GFRA2: variants seen among roughly 807,000 people sequenced by gnomAD.
The protein encoded by GFRA2 is GDNF family receptor alpha 2.
A neutral mutation model predicts 48.3 loss-of-function variants in GFRA2; 17 were observed. The ratio of observed to expected loss-of-function variants is 0.35; its 90% CI spans 0.24 to 0.53. GFRA2 has a LOEUF of 0.53. Ranked by LOEUF, GFRA2 falls within the 20% of genes least tolerant of loss-of-function variation. The pLI, the probability that GFRA2 is intolerant of heterozygous loss-of-function variation, is 0.93. For missense variants in GFRA2, 660 were observed against 637.3 expected, an observed-to-expected ratio of 1.04 and a Z score of -0.38; for synonymous variants, 305 against 257.2, an observed-to-expected ratio of 1.19 and a Z score of -1.78.
intron 4 of GFRA2, among the ~76,000 whole-genome samples, chr8:21,736,292 G>C (rs1411730768): frequency 6.6e-6 from 1 of 151,998 alleles, no homozygotes; most frequent in Middle Eastern, 3.2e-3. Context: ...GTGGGAAAAT[G>C]TTAACAATGT....
At chr8:21,753,191 G>A (rs1248908755) in intron 3 of GFRA2, among the ~76,000 whole-genome samples, 1 of 152,204 alleles carries the variant, frequency 6.6e-6, no homozygotes, top group Non-Finnish European at 1.5e-5. Flanking sequence ...AGAACAATTT[G>A]TGCTTTCTGA....
intron 4 of GFRA2, among the ~76,000 whole-genome samples, chr8:21,714,665 A>C (rs1312114760): frequency 6.6e-6 from 1 of 152,184 alleles, no homozygotes; most frequent in Non-Finnish European, 1.5e-5. Flanking sequence ...ACTATGTGTC[A>C]GGCGCTATTA....
intron 4 of GFRA2, among the ~76,000 whole-genome samples, chr8:21,728,760 G>A (rs1400080467): frequency 3.3e-5 from 5 of 152,154 alleles, no homozygotes; most frequent in Admixed American, 6.5e-5. Context: ...CTAATCCTGC[G>A]TCCTTATCTG....
intron 3 of GFRA2, among the ~76,000 whole-genome samples, chr8:21,759,587 G>C (rs1417578906): frequency 6.7e-6 from 1 of 150,154 alleles, no homozygotes; most frequent in East Asian, 2.0e-4. Context: ...GAAAATAAGG[G>C]AATTTAAAAA....
upstream of GFRA2, among the ~76,000 whole-genome samples, chr8:21,789,029 CGGCGCGG>C (rs878875679): frequency 0.57 from 86,360 of 150,326 alleles, 27,867 homozygotes; most frequent in African/African-American, 0.88. Flanking sequence ...AGGCGGCTGG[CGGCGCGG>C]GGCGCGGGGC....
At chr8:21,723,051 T>C (rs565175069) in intron 4 of GFRA2, among the ~76,000 whole-genome samples, 4 of 152,298 alleles carry the variant, frequency 2.6e-5, no homozygotes, top group Non-Finnish European at 5.9e-5. Flanking sequence ...AAACCTCTGC[T>C]GTAAAGAAAT....
intron 3 of GFRA2, chr8:21,769,056 A>T: frequency 2.9e-6 from 1 of 341,898 alleles, no homozygotes; most frequent in South Asian, 1.2e-4. Flanking sequence ...CTCTTGGGGC[A>T]GCACTTGGTC....
intron 1 of GFRA2, among the ~76,000 whole-genome samples, chr8:21,787,151 T>C (rs1807313454): frequency 6.6e-6 from 1 of 151,832 alleles, no homozygotes; most frequent in Admixed American, 6.6e-5. Context: ...CCCAAGCAGC[T>C]GCGATTTCAC....
chr8:21,749,683 A>G (rs1805182050), intron 4 of GFRA2, among the ~76,000 whole-genome samples: 1 of 151,680 alleles, frequency 6.6e-6, no homozygotes, highest in Admixed American at 6.6e-5. Context: ...TCCCTTTTAT[A>G]TATATATAAA....
At chr8:21,768,442 C>T (rs1226276372) in intron 3 of GFRA2, among the ~76,000 whole-genome samples, 5 of 152,162 alleles carry the variant, frequency 3.3e-5, no homozygotes, top group Non-Finnish European at 1.5e-5. Context: ...CATCACAGGG[C>T]GGCCTCGGAA....
intron 4 of GFRA2, among the ~76,000 whole-genome samples, chr8:21,727,011 A>G (rs1233342748): frequency 3.9e-5 from 6 of 152,050 alleles, no homozygotes; most frequent in Non-Finnish European, 5.9e-5. Flanking sequence ...CGGCCTCCCA[A>G]AGTGCTGGGA....
intron 7 of GFRA2, among the ~76,000 whole-genome samples, chr8:21,695,172 G>A (rs1351213200): frequency 6.6e-6 from 1 of 152,224 alleles, no homozygotes; most frequent in East Asian, 1.9e-4. Flanking sequence ...GGACGAGAAG[G>A]GCTGCCTTGG....
At chr8:21,724,670 C>A (rs1320787828) in intron 4 of GFRA2, among the ~76,000 whole-genome samples, 1 of 152,132 alleles carries the variant, frequency 6.6e-6, no homozygotes, top group African/African-American at 2.4e-5. Flanking sequence ...AATGAAGGTA[C>A]TCAGGGCCCT....
At chr8:21,796,795 A>C (rs1807684879) in intron 2 of GFRA2, among the ~76,000 whole-genome samples, 1 of 152,194 alleles carries the variant, frequency 6.6e-6, no homozygotes. Context: ...TTTAACCTCA[A>C]AGAATGAATT....
At chr8:21,789,770 C>T (rs1807499545), upstream of GFRA2, among the ~76,000 whole-genome samples, 1 of 93,374 alleles carries the variant, frequency 1.1e-5, no homozygotes, top group South Asian at 4.1e-4. Flanking sequence ...TGCCCCTTCC[C>T]CAGCCGGTCT....
chr8:21,708,405 T>C (rs1190045826), intron 4 of GFRA2, among the ~76,000 whole-genome samples: 2 of 152,194 alleles, frequency 1.3e-5, no homozygotes, highest in Non-Finnish European at 2.9e-5. Context: ...TCTCCATTCA[T>C]GTCCCAGACC....
At chr8:21,754,555 C>A (rs967524410) in intron 3 of GFRA2, among the ~76,000 whole-genome samples, 1 of 137,558 alleles carries the variant, frequency 7.3e-6, no homozygotes, top group African/African-American at 2.8e-5. Flanking sequence ...GTCGCCCAGG[C>A]GGGAGTGCAA....
chr8:21,771,048 C>G (rs1002626714), intron 3 of GFRA2, among the ~76,000 whole-genome samples: 1 of 152,228 alleles, frequency 6.6e-6, no homozygotes, highest in Non-Finnish European at 1.5e-5. Context: ...CCCAGGCAGA[C>G]AGAGGATGAC....
At chr8:21,773,926 C>T (rs1806560530) in intron 3 of GFRA2, among the ~76,000 whole-genome samples, 1 of 152,198 alleles carries the variant, frequency 6.6e-6, no homozygotes, top group Non-Finnish European at 1.5e-5. Context: ...CATCCTCAGA[C>T]TCACAGGACG....
Sources: gnomAD v4.1 joint callset for allele counts (sites outside exome capture counted in the v4.1 genomes callset) on GRCh38, gnomAD v4.1.1 for gene constraint, MANE v1.5 for transcripts, NCBI Gene and HGNC (gene_info 2026-07-23, HGNC 2026-07-21) for gene names.